Variants in PLPPR1 observed in about 807,000 individuals in gnomAD.
PLPPR1 encodes phospholipid phosphatase-related protein type 1.
In PLPPR1, 10 loss-of-function variants were observed where a neutral mutation model predicts 33.1. That is an observed-to-expected ratio of 0.30 (90% CI 0.19 to 0.51). The LOEUF (loss-of-function observed/expected upper bound fraction) is 0.51, where lower values mean the gene tolerates loss of function less well. PLPPR1 is among the 20% of genes least tolerant of loss of function. PLPPR1 has a pLI of 0.97. For synonymous variants in PLPPR1, 151 were observed against 151.0 expected (o/e 1.00, Z 0.00); for missense variants, 304 against 408.1 (o/e 0.74, Z 2.20).
At chr9:101,276,192 T>C (rs899083262) in intron 3 of PLPPR1, among the ~76,000 whole-genome samples, 7 of 152,204 alleles carry the variant, frequency 4.6e-5, no homozygotes, top group Non-Finnish European at 8.8e-5. Flanking sequence ...ATTCACATCT[T>C]TTTTCCCTTT....
intron 1 of PLPPR1, among the ~76,000 whole-genome samples, chr9:101,067,233 CA>C (rs11436092): frequency 2.4e-4 from 36 of 148,498 alleles, no homozygotes; most frequent in Non-Finnish European, 4.6e-4. Flanking sequence ...TACAAGTCAC[CA>C]AAAAAAAAAG....
intron 4 of PLPPR1, among the ~76,000 whole-genome samples, chr9:101,293,537 G>A (rs1828560513): frequency 6.6e-6 from 1 of 151,934 alleles, no homozygotes; most frequent in South Asian, 2.1e-4. Context: ...TTCCAAAATT[G>A]ACCACATAGT....
intron 2 of PLPPR1, among the ~76,000 whole-genome samples, chr9:101,238,895 T>G (rs117857762): frequency 0.018 from 2,738 of 151,910 alleles, 33 homozygotes; most frequent in Middle Eastern, 0.082. Flanking sequence ...CCTCCTTTCC[T>G]TCTTACCCTT....
chr9:101,279,928 C>T (rs918721019), intron 3 of PLPPR1, among the ~76,000 whole-genome samples: 11 of 151,586 alleles, frequency 7.3e-5, no homozygotes, highest in Non-Finnish European at 1.2e-4. Flanking sequence ...CAAACCAAAC[C>T]CAAATTATGC....
chr9:101,200,967 C>A (rs891663109), intron 2 of PLPPR1, among the ~76,000 whole-genome samples: 1 of 152,122 alleles, frequency 6.6e-6, no homozygotes, highest in Admixed American at 6.5e-5. Flanking sequence ...CTGAGTAAAT[C>A]ATAAAAAACA....
intron 4 of PLPPR1, among the ~76,000 whole-genome samples, chr9:101,306,865 T>C (rs956684598): frequency 1.1e-4 from 17 of 152,194 alleles, no homozygotes; most frequent in African/African-American, 3.9e-4. Context: ...AAAGTAGCTG[T>C]TTTTAGCTTC....
intron 2 of PLPPR1, among the ~76,000 whole-genome samples, chr9:101,248,650 C>G (rs1051987700): frequency 4.6e-5 from 7 of 152,052 alleles, no homozygotes; most frequent in African/African-American, 1.7e-4. Flanking sequence ...AGATTATGAG[C>G]TCTGAGATCC....
intron 2 of PLPPR1, among the ~76,000 whole-genome samples, chr9:101,217,455 A>G (rs1826823682): frequency 6.6e-6 from 1 of 152,168 alleles, no homozygotes; most frequent in Non-Finnish European, 1.5e-5. Context: ...ACTTGGTTGA[A>G]ACTTCTGCTG....
chr9:101,268,763 A>G (rs1828044037), intron 2 of PLPPR1, among the ~76,000 whole-genome samples: 1 of 152,248 alleles, frequency 6.6e-6, no homozygotes, highest in African/African-American at 2.4e-5. Context: ...AGATATCTAA[A>G]GATGTCCTAC....
intron 2 of PLPPR1, among the ~76,000 whole-genome samples, chr9:101,230,459 A>G (rs1305878099): frequency 6.6e-6 from 1 of 152,140 alleles, no homozygotes; most frequent in Non-Finnish European, 1.5e-5. Context: ...CAAGTTTGCA[A>G]GAAAAACTAG....
At chr9:101,066,163 A>G (rs900745275) in intron 1 of PLPPR1, among the ~76,000 whole-genome samples, 1 of 151,942 alleles carries the variant, frequency 6.6e-6, no homozygotes, top group Admixed American at 6.6e-5. Context: ...CTGGTCAGAT[A>G]TTTCATATAA....
chr9:101,264,108 A>C (rs1827945932), intron 2 of PLPPR1, among the ~76,000 whole-genome samples: 1 of 151,826 alleles, frequency 6.6e-6, no homozygotes, highest in African/African-American at 2.4e-5. Flanking sequence ...AGGGTTTCCC[A>C]CCCCAGCCCT....
chr9:101,179,427 T>C (rs1826066514), intron 1 of PLPPR1, among the ~76,000 whole-genome samples: 1 of 152,188 alleles, frequency 6.6e-6, no homozygotes, highest in African/African-American at 2.4e-5. Context: ...CCTAAGTATT[T>C]CCTCCTTCTT....
intron 1 of PLPPR1, among the ~76,000 whole-genome samples, chr9:101,040,883 T>C (rs1187359661): frequency 1.3e-5 from 2 of 152,152 alleles, no homozygotes; most frequent in Admixed American, 6.5e-5. Context: ...TCACACTCTA[T>C]AAATTTAATT....
At chr9:101,134,308 A>G (rs559472479) in intron 1 of PLPPR1, among the ~76,000 whole-genome samples, 4 of 152,336 alleles carry the variant, frequency 2.6e-5, no homozygotes, top group African/African-American at 7.2e-5. Context: ...AGCCTAAGTC[A>G]TAGAAAATAA....
chr9:101,289,805 C>T (rs1216165949), intron 4 of PLPPR1, among the ~76,000 whole-genome samples: 1 of 152,192 alleles, frequency 6.6e-6, no homozygotes, highest in East Asian at 1.9e-4. Flanking sequence ...ATCGCCCAAC[C>T]TCAGGTATGT....
At chr9:101,212,279 C>G (rs1478331899) in intron 2 of PLPPR1, among the ~76,000 whole-genome samples, 2 of 152,028 alleles carry the variant, frequency 1.3e-5, no homozygotes, top group Admixed American at 1.3e-4. Context: ...GATGGGGTTT[C>G]ACCATGTTGG....
intron 4 of PLPPR1, among the ~76,000 whole-genome samples, chr9:101,294,722 T>G (rs1828587695): frequency 6.6e-6 from 1 of 152,102 alleles, no homozygotes; most frequent in African/African-American, 2.4e-5. Flanking sequence ...TCTCAATAGA[T>G]GCAGAAAAGG....
intron 1 of PLPPR1, among the ~76,000 whole-genome samples, chr9:101,032,292 T>C (rs75704202): frequency 1.9e-3 from 285 of 152,254 alleles, no homozygotes; most frequent in African/African-American, 6.6e-3. Flanking sequence ...CATTAGAGAA[T>C]GATGACTGTG....
Sources: gnomAD v4.1 joint callset for allele counts (sites outside exome capture counted in the v4.1 genomes callset) on GRCh38, gnomAD v4.1.1 for gene constraint, MANE v1.5 for transcripts, NCBI Gene and HGNC (gene_info 2026-07-23, HGNC 2026-07-21) for gene names.